The following MSRA variants were observed in gnomAD, a reference collection of about 807,000 sequenced individuals.
MSRA encodes the protein mitochondrial peptide methionine sulfoxide reductase.
In MSRA, 54 loss-of-function variants were observed where a neutral mutation model predicts 31.3. That is an observed-to-expected ratio of 1.73 (90% CI 1.39 to 2.17). The LOEUF is 2.17. MSRA is among the 30% of genes most tolerant of loss of function. The pLI is 0.00. For missense variants in MSRA, 507 were observed against 300.9 expected (o/e 1.69, Z -5.07); for synonymous variants, 169 against 116.5 (o/e 1.45, Z -2.90).
intron 5 of MSRA, among the ~76,000 whole-genome samples, chr8:10,404,536 G>A (rs932788116): frequency 1.8e-4 from 27 of 152,328 alleles, no homozygotes; most frequent in African/African-American, 6.3e-4. Context: ...CATCCCGGGC[G>A]GCCGCTCCCT....
chr8:10,387,163 C>T (rs566477932), intron 5 of MSRA, among the ~76,000 whole-genome samples: 3 of 152,300 alleles, frequency 2.0e-5, no homozygotes, highest in African/African-American at 7.2e-5. Flanking sequence ...TCCGTGACTG[C>T]ACTGCTACAT....
At chr8:10,259,309 A>C (rs2975687) in intron 3 of MSRA, among the ~76,000 whole-genome samples, 14,112 of 152,192 alleles carry the variant, frequency 0.093, 772 homozygotes, top group East Asian at 0.21. Context: ...CCAGAGGCTA[A>C]ATAAATGCAA....
At chr8:10,378,211 T>C (rs542951007) in intron 5 of MSRA, among the ~76,000 whole-genome samples, 235 of 152,300 alleles carry the variant, frequency 1.5e-3, no homozygotes, top group Non-Finnish European at 2.9e-3. Context: ...CCTCTGGGCC[T>C]TGACACAGAA....
intron 1 of MSRA, among the ~76,000 whole-genome samples, chr8:10,204,956 G>A (rs1466107057): frequency 2.0e-5 from 3 of 152,202 alleles, no homozygotes; most frequent in Non-Finnish European, 4.4e-5. Context: ...TAAGTGCAAA[G>A]TGCTACTTGG....
chr8:10,095,020 A>G (rs1799052889), intron 1 of MSRA, among the ~76,000 whole-genome samples: 1 of 152,368 alleles, frequency 6.6e-6, no homozygotes, highest in East Asian at 1.9e-4. Context: ...GTTGCAGATC[A>G]ATCAAAACTA....
intron 5 of MSRA, among the ~76,000 whole-genome samples, chr8:10,371,161 A>G (rs1483431180): frequency 2.6e-5 from 4 of 152,136 alleles, no homozygotes; most frequent in Non-Finnish European, 5.9e-5. Context: ...TTCTTTAGTT[A>G]TTTTTAGGAT....
intron 1 of MSRA, among the ~76,000 whole-genome samples, chr8:10,113,260 G>T (rs560487818): frequency 1.4e-5 from 2 of 141,260 alleles, no homozygotes; most frequent in East Asian, 4.3e-4. Flanking sequence ...TACCTGGGCT[G>T]GGGAGGCATG....
At chr8:10,268,474 C>T (rs930820536) in intron 3 of MSRA, among the ~76,000 whole-genome samples, 3 of 152,218 alleles carry the variant, frequency 2.0e-5, no homozygotes, top group African/African-American at 4.8e-5. Flanking sequence ...GCATTCATTA[C>T]ATATTTTCAC....
chr8:10,341,135 T>C (rs1803401792), intron 5 of MSRA, among the ~76,000 whole-genome samples: 1 of 152,180 alleles, frequency 6.6e-6, no homozygotes, highest in African/African-American at 2.4e-5. Context: ...TGTTTAAAAC[T>C]CCTGTATTAG....
At chr8:10,293,744 T>G (rs1210489711) in intron 3 of MSRA, among the ~76,000 whole-genome samples, 1 of 151,848 alleles carries the variant, frequency 6.6e-6, no homozygotes, top group African/African-American at 2.4e-5. Context: ...CTCTCCTCCC[T>G]CCCTTTCCTT....
chr8:10,297,634 G>T (rs757056107), intron 3 of MSRA, among the ~76,000 whole-genome samples: 1 of 152,114 alleles, frequency 6.6e-6, no homozygotes, highest in Admixed American at 6.5e-5. Flanking sequence ...TTTTTACACA[G>T]GTTCTTTTAC....
chr8:10,116,295 ATT>A (rs1800672091), intron 1 of MSRA, among the ~76,000 whole-genome samples: 1 of 152,166 alleles, frequency 6.6e-6, no homozygotes, highest in African/African-American at 2.4e-5. Flanking sequence ...TCGTTAGTGT[ATT>A]TTATATGTGG....
chr8:10,202,203 T>C (rs1270814439), intron 1 of MSRA, among the ~76,000 whole-genome samples: 1 of 152,248 alleles, frequency 6.6e-6, no homozygotes, highest in Non-Finnish European at 1.5e-5. Flanking sequence ...ACGAAGGGTT[T>C]AAAGGATCTT....
intron 4 of MSRA, among the ~76,000 whole-genome samples, chr8:10,302,911 G>A (rs1800925233): frequency 6.6e-6 from 1 of 152,188 alleles, no homozygotes; most frequent in African/African-American, 2.4e-5. Flanking sequence ...CCCTAGCTTG[G>A]GATATGGGAC....
At chr8:10,203,443 C>G (rs1446107224) in intron 1 of MSRA, among the ~76,000 whole-genome samples, 2 of 152,170 alleles carry the variant, frequency 1.3e-5, no homozygotes. Flanking sequence ...TTTTGACCAA[C>G]AAGGGATTAT....
chr8:10,177,035 C>T (rs1270158731), intron 1 of MSRA, among the ~76,000 whole-genome samples: 1 of 152,168 alleles, frequency 6.6e-6, no homozygotes, highest in African/African-American at 2.4e-5. Flanking sequence ...CAATAGAGAC[C>T]TTAGAATGAG....
At chr8:10,374,218 C>T (rs1482632085) in intron 5 of MSRA, among the ~76,000 whole-genome samples, 2 of 152,258 alleles carry the variant, frequency 1.3e-5, no homozygotes, top group Middle Eastern at 3.4e-3. Context: ...GAAGCAAGTA[C>T]AGAAGTAAAC....
intron 3 of MSRA, among the ~76,000 whole-genome samples, chr8:10,255,558 G>GGCT (rs1199296353): frequency 7.2e-5 from 11 of 152,162 alleles, no homozygotes; most frequent in Non-Finnish European, 1.3e-4. Context: ...AGACCTGCTT[G>GGCT]GCTCTGGAAG....
intron 2 of MSRA, among the ~76,000 whole-genome samples, chr8:10,230,028 TG>T (rs1274026245): frequency 6.6e-6 from 1 of 152,240 alleles, no homozygotes; most frequent in Non-Finnish European, 1.5e-5. Flanking sequence ...AAAGATGCTC[TG>T]TGAAAATTTC....
Sources: allele counts gnomAD v4.1 joint callset (sites outside exome capture counted in the v4.1 genomes callset), GRCh38; gene constraint gnomAD v4.1.1; transcripts MANE v1.5; gene names NCBI Gene and HGNC (gene_info 2026-07-23, HGNC 2026-07-21).